The following SHANK2 variants were observed in gnomAD, a reference collection of about 807,000 sequenced individuals.
The protein encoded by SHANK2 is SH3 and multiple ankyrin repeat domains 2.
A neutral mutation model predicts 133.7 loss-of-function variants in SHANK2; 43 were observed. That is an observed-to-expected ratio of 0.32 (90% CI 0.25 to 0.41). SHANK2 has a LOEUF of 0.41. Among genes scored for constraint, SHANK2 ranks in the 10% least tolerant of loss-of-function variants. SHANK2 has a pLI of 1.00. For missense variants in SHANK2, 1,994 were observed against 2,235.8 expected (o/e 0.89, Z 2.18); for synonymous variants, 1,017 against 952.8 (o/e 1.07, Z -1.24).
chr11:70,728,534 C>A (rs1348967353), intron 14 of SHANK2, among the ~76,000 whole-genome samples: 1 of 152,198 alleles, frequency 6.6e-6, no homozygotes, highest in Non-Finnish European at 1.5e-5. Context: ...AGCCACAGGT[C>A]CAGAGCTTCT....
intron 17 of SHANK2, among the ~76,000 whole-genome samples, chr11:70,627,713 T>C (rs1479519892): frequency 6.6e-6 from 1 of 152,244 alleles, no homozygotes; most frequent in Non-Finnish European, 1.5e-5. Flanking sequence ...TTTATACACA[T>C]AGCCTGAAGG....
intron 17 of SHANK2, among the ~76,000 whole-genome samples, chr11:70,534,396 C>T (rs1554973807): frequency 2.0e-5 from 3 of 152,200 alleles, no homozygotes; most frequent in African/African-American, 4.8e-5. Context: ...CCCACTCGTT[C>T]CCTCCCACAA....
chr11:70,739,646 A>T lies in SHANK2; in HGVS notation c.1778-40883T>A, dbSNP rs1555034296. ...CACCAGCCAGGGTCAGCTGGGCCCC[A>T]GGGAGGCTGTGATGGGCTGAACGGA... On this transcript the variant is annotated intron_variant, in intron 14 of 25. Coordinates refer to ENST00000601538, the MANE Select transcript of SHANK2 (RefSeq NM_012309.5). The surrounding 1 kb of genome is among the most constrained non-coding windows in gnomAD (Gnocchi z 4.3). 6.6e-6 allele frequency among the ~76,000 whole-genome samples: 1 copy of T among 152,218 alleles called. No homozygotes were observed. Among genetic ancestry groups the T allele is most frequent in the African/African-American group, 2.4e-5 (1 of 41,472 alleles).
intron 22 of SHANK2, among the ~76,000 whole-genome samples, chr11:70,490,982 G>C (rs1322555823): frequency 6.6e-6 from 1 of 152,238 alleles, no homozygotes; most frequent in Non-Finnish European, 1.5e-5. Context: ...GGAGTCTGCA[G>C]CAGTGAGCTG....
At chr11:71,102,973 A>T (rs949595835) in intron 6 of SHANK2, among the ~76,000 whole-genome samples, 1 of 152,256 alleles carries the variant, frequency 6.6e-6, no homozygotes. Flanking sequence ...CCTGGTTCAC[A>T]TAGGGCACCT....
At chr11:70,904,756 C>T (rs781965962) in intron 10 of SHANK2, among the ~76,000 whole-genome samples, 3 of 152,130 alleles carry the variant, frequency 2.0e-5, no homozygotes, top group Non-Finnish European at 2.9e-5. Flanking sequence ...AATCTGCCCA[C>T]GTCAGCCTCC....
intron 9 of SHANK2, among the ~76,000 whole-genome samples, chr11:71,062,871 C>T (rs1951003942): frequency 6.6e-6 from 1 of 151,600 alleles, no homozygotes; most frequent in African/African-American, 2.4e-5. Flanking sequence ...GTGGTGCGTG[C>T]CTGTAGTCCT....
intron 17 of SHANK2, among the ~76,000 whole-genome samples, chr11:70,545,522 C>G (rs1219394294): frequency 2.0e-5 from 3 of 152,138 alleles, no homozygotes; most frequent in South Asian, 2.1e-4. Flanking sequence ...TTGGTTTTCT[C>G]CCCTGAGAGC....
Position 71,162,233 on chromosome 11 carries a change from G to C in SHANK2, c.-12-14895C>G, listed in dbSNP as rs147662315. Among the ~76,000 whole-genome samples the C allele has an allele frequency of 2.9e-3, 446 of 152,344 alleles. 3 individuals are homozygous for C. The highest frequency in any genetic ancestry group is 9.3e-3 in the African/African-American group (386 of 41,582). Reference sequence around the variant, plus strand: ...CAGCTCTGGATGCTGAGAAACTCAAGAGCATGGTGTGGCATCTGGTGAGGA... The same window carrying C: ...CAGCTCTGGATGCTGAGAAACTCAACAGCATGGTGTGGCATCTGGTGAGGA... On this transcript the variant is annotated intron_variant, in intron 2 of 25. Coordinates refer to ENST00000601538, the MANE Select transcript of SHANK2 (RefSeq NM_012309.5).
At chr11:70,866,081 C>T (rs561216258) in intron 11 of SHANK2, among the ~76,000 whole-genome samples, 6 of 152,282 alleles carry the variant, frequency 3.9e-5, no homozygotes, top group East Asian at 1.9e-4. Flanking sequence ...TCACCAATTC[C>T]GCGCGCAGAT....
At chr11:70,708,297 C>T (rs1448592200) in intron 14 of SHANK2, among the ~76,000 whole-genome samples, 1 of 152,080 alleles carries the variant, frequency 6.6e-6, no homozygotes, top group Non-Finnish European at 1.5e-5. Flanking sequence ...CGATGGACTG[C>T]CCTGGACACT....
At chr11:71,239,251 C>T (rs1441569136) in intron 1 of SHANK2, among the ~76,000 whole-genome samples, 7 of 152,212 alleles carry the variant, frequency 4.6e-5, no homozygotes, top group African/African-American at 1.7e-4. Context: ...CTCAGTTTCC[C>T]CTTCGGTGAA....
intron 2 of SHANK2, among the ~76,000 whole-genome samples, chr11:71,167,042 T>C (rs10897689): frequency 0.22 from 30,049 of 137,890 alleles, 3,388 homozygotes; most frequent in Middle Eastern, 0.33. Flanking sequence ...CATCTTGCAC[T>C]GCCCTTAATC....
chr11:70,514,675 T>A (rs2059244238), intron 17 of SHANK2, among the ~76,000 whole-genome samples: 1 of 152,210 alleles, frequency 6.6e-6, no homozygotes, highest in African/African-American at 2.4e-5. Flanking sequence ...TATGGAAAGC[T>A]AAGAATGTAT....
chr11:71,075,450 T>C (rs2135984133), intron 8 of SHANK2, among the ~76,000 whole-genome samples, 175 bp from the exon 9 acceptor site: 1 of 152,310 alleles, frequency 6.6e-6, no homozygotes, highest in East Asian at 1.9e-4. Context: ...GACATCAGCA[T>C]GCACCACCAG....
At chr11:70,916,908 C>T (rs113274318) in intron 10 of SHANK2, among the ~76,000 whole-genome samples, 2 of 152,162 alleles carry the variant, frequency 1.3e-5, no homozygotes, top group Non-Finnish European at 2.9e-5. Flanking sequence ...ACGGTACCTG[C>T]GACCTTAAGC....
chr11:70,786,188 AC>A, intron 14 of SHANK2, among the ~76,000 whole-genome samples: 1 of 152,292 alleles, frequency 6.6e-6, no homozygotes, highest in South Asian at 2.1e-4. Context: ...TGACCTTTGC[AC>A]CTGTCCTTTG....
chr11:70,772,376 G>A (rs1200618809), intron 14 of SHANK2, among the ~76,000 whole-genome samples: 1 of 151,518 alleles, frequency 6.6e-6, no homozygotes, highest in Non-Finnish European at 1.5e-5. Flanking sequence ...GGAGGCAGAG[G>A]TTGCAGTGAG....
At chr11:70,722,411 C>T (rs80042023) in intron 14 of SHANK2, among the ~76,000 whole-genome samples, 1,921 of 152,334 alleles carry the variant, frequency 0.013, 43 homozygotes, top group African/African-American at 0.044. Context: ...CTCTGGGTGA[C>T]ATCACCTGTC....
Sources: gnomAD v4.1 joint callset for allele counts (sites outside exome capture counted in the v4.1 genomes callset) on GRCh38, gnomAD v4.1.1 for gene constraint, Gnocchi (gnomAD v3.1) non-coding constraint, MANE v1.5 for transcripts, NCBI Gene and HGNC (gene_info 2026-07-23, HGNC 2026-07-21) for gene names.